Variants in ICA1 observed in about 807,000 individuals in gnomAD.
ICA1 encodes 69 kDa islet cell autoantigen.
ICA1 carries 40 observed loss-of-function variants against 71.0 expected under a neutral mutation model. The observed-to-expected ratio is 0.56, with a 90% confidence interval of 0.44 to 0.73. ICA1 has a LOEUF of 0.73. Among genes scored for constraint, ICA1 ranks in the 30% least tolerant of loss-of-function variants. ICA1 has a pLI of 0.00. For synonymous variants in ICA1, 207 were observed against 209.5 expected, an observed-to-expected ratio of 0.99 and a Z score of 0.10; for missense variants, 578 against 576.5, an observed-to-expected ratio of 1.00 and a Z score of -0.03.
At chr7:8,219,558 T>G (rs17145530) in intron 5 of ICA1, among the ~76,000 whole-genome samples, 2 of 152,218 alleles carry the variant, frequency 1.3e-5, no homozygotes, top group Non-Finnish European at 2.9e-5. Flanking sequence ...TGTAAAGTAT[T>G]GTTTTTAAAT....
At chr7:8,152,494 C>T (rs950537696) in intron 8 of ICA1, among the ~76,000 whole-genome samples, 5 of 151,642 alleles carry the variant, frequency 3.3e-5, no homozygotes, top group Non-Finnish European at 5.9e-5. Flanking sequence ...CCATTACCGT[C>T]ACCCTTACCA....
intron 6 of ICA1, among the ~76,000 whole-genome samples, chr7:8,182,920 C>T (rs1426833712): frequency 6.6e-6 from 1 of 152,172 alleles, no homozygotes. Context: ...GTTGCTGCCT[C>T]CATCACTAGT....
At chr7:8,143,690 C>T (rs6960154) in intron 9 of ICA1, among the ~76,000 whole-genome samples, 185 bp downstream of exon 9, 13,239 of 152,160 alleles carry the variant, frequency 0.087, 1,628 homozygotes, top group African/African-American at 0.28. Flanking sequence ...TACTGGGATA[C>T]GTGAGTCATG....
At chr7:8,260,678 T>C (rs1028363155) in intron 1 of ICA1, among the ~76,000 whole-genome samples, 7 of 152,248 alleles carry the variant, frequency 4.6e-5, no homozygotes, top group African/African-American at 1.7e-4. Flanking sequence ...TTCAGGATTA[T>C]AAATTGATTT....
At chr7:8,158,468 T>C in intron 7 of ICA1, 59 bp downstream of exon 7, 1 of 1,591,964 alleles carries the variant, frequency 6.3e-7, no homozygotes. Context: ...AACACCATTT[T>C]GATGTTATTT....
Position 8,113,846 on chromosome 7 carries a change from G to C in ICA1, c.*77C>G, listed in dbSNP as rs1018552762. On this transcript the variant is annotated 3_prime_UTR_variant, in exon 14 of 14. Coordinates refer to ENST00000402384, the MANE Select transcript of ICA1 (RefSeq NM_001136020.3). This position sits in a 1 kb window ranked among gnomAD's most constrained non-coding sequence, Gnocchi z 4.2. ...CACATAATTATTAAAACAGCATACT[G>C]ATCACTTTATACTTCTGCTAGCCCC... The C allele has an allele frequency of 8.8e-6, 13 of 1,480,426 alleles. No homozygotes were observed. In the African/African-American group the frequency reaches 1.7e-4, roughly 19 times the overall value. The allele number at this position is 1,480,426 out of a possible 1,614,324, so 91.7% of individuals were successfully genotyped here.
intron 9 of ICA1, among the ~76,000 whole-genome samples, chr7:8,142,725 A>C (rs1404245061): frequency 6.6e-6 from 1 of 152,224 alleles, no homozygotes; most frequent in African/African-American, 2.4e-5. Context: ...AGATGGAATT[A>C]ACATAAATAA....
intron 6 of ICA1, among the ~76,000 whole-genome samples, chr7:8,163,800 G>C (rs1219775032): frequency 1.3e-5 from 2 of 152,198 alleles, no homozygotes; most frequent in African/African-American, 2.4e-5. Flanking sequence ...CTCAGAACGA[G>C]CAGGAGGGTG....
chr7:8,177,132 T>C (rs1780865455), intron 6 of ICA1, among the ~76,000 whole-genome samples: 1 of 152,218 alleles, frequency 6.6e-6, no homozygotes, highest in South Asian at 2.1e-4. Context: ...ATACAAACTA[T>C]TACCCACTAT....
At chr7:8,149,690 T>C (rs1798153335) in intron 8 of ICA1, among the ~76,000 whole-genome samples, 1 of 152,246 alleles carries the variant, frequency 6.6e-6, no homozygotes, top group African/African-American at 2.4e-5. Flanking sequence ...TAGTATCTTC[T>C]CTAGCCTTTA....
At chr7:8,164,370 G>C (rs1435022411) in intron 6 of ICA1, among the ~76,000 whole-genome samples, 1 of 147,332 alleles carries the variant, frequency 6.8e-6, no homozygotes, top group African/African-American at 2.5e-5. Context: ...TAGTAGTTTA[G>C]ATTTGGATAG....
Position 8,216,584 on chromosome 7 carries a change from C to CAAAAAAAAAA in ICA1, c.579+1711_579+1720dup, listed in dbSNP as rs142208758. ...AGTAACCACCCCCACAAAACAAAAC[C>CAAAAAAAAAA]AAAAAAAAAATTCCACATAAAATTC... is the stretch of plus-strand genomic sequence containing the variant. On this transcript the variant is annotated intron_variant, in intron 6 of 13. Transcript: ENST00000402384. 1.6e-4 allele frequency among the ~76,000 whole-genome samples: 23 copies of CAAAAAAAAAA among 143,724 alleles called. No homozygotes were observed. The East Asian group carries it at 2.2e-3, about 14-fold the overall frequency. 94.3% of individuals were successfully genotyped at this position (143,724 alleles called of 152,430 possible). A position where few individuals can be genotyped will look rare whatever the true frequency, so the allele number is the denominator to read the frequency against.
chr7:8,239,934 G>T (rs1803199284), intron 1 of ICA1, among the ~76,000 whole-genome samples: 1 of 152,228 alleles, frequency 6.6e-6, no homozygotes, highest in Non-Finnish European at 1.5e-5. Context: ...GCTCAGCAAG[G>T]CCTGTTGCCT....
At chr7:8,118,290 T>C (rs2128001905) in intron 13 of ICA1, among the ~76,000 whole-genome samples, 1 of 152,344 alleles carries the variant, frequency 6.6e-6, no homozygotes, top group Middle Eastern at 3.4e-3. Context: ...CGAAGAGTTC[T>C]AAAAGGCATT....
chr7:8,145,230 A>G (rs529149939), intron 8 of ICA1, among the ~76,000 whole-genome samples: 3 of 152,262 alleles, frequency 2.0e-5, no homozygotes, highest in African/African-American at 7.2e-5. Flanking sequence ...CACTTCTAAT[A>G]TCAACCTCTC....
chr7:8,244,660 C>G (rs1346649852), intron 1 of ICA1, among the ~76,000 whole-genome samples: 1 of 152,170 alleles, frequency 6.6e-6, no homozygotes, highest in Non-Finnish European at 1.5e-5. Flanking sequence ...ATCTACCCAT[C>G]TGATAAAGGG....
At chr7:8,239,938 G>C (rs1429328685) in intron 1 of ICA1, among the ~76,000 whole-genome samples, 3 of 152,236 alleles carry the variant, frequency 2.0e-5, no homozygotes, top group Non-Finnish European at 4.4e-5. Context: ...AGCAAGGCCT[G>C]TTGCCTCTGT....
intron 5 of ICA1, among the ~76,000 whole-genome samples, chr7:8,219,505 G>C (rs189787794): frequency 7.3e-4 from 111 of 152,290 alleles, no homozygotes; most frequent in African/African-American, 2.5e-3. Flanking sequence ...AACTATTTAA[G>C]AAAAAATTTC....
Position 8,173,901 on chromosome 7 carries a change from G to C in ICA1, c.580-15249C>G, listed in dbSNP as rs1261197772. ...TTGCTTTCATGATGGTTATGTTGTA[G>C]TGGGTGAAACTGGACAATAAATAAC... On this transcript the variant is annotated intron_variant, in intron 6 of 13. Transcript: ENST00000402384. This position sits in a 1 kb window ranked among gnomAD's most constrained non-coding sequence, Gnocchi z 4.0. 6.6e-6 allele frequency among the ~76,000 whole-genome samples: 1 copy of C among 152,122 alleles called. No homozygotes were observed. The highest frequency in any genetic ancestry group is 1.5e-5 in the Non-Finnish European group (1 of 68,004).
Sources: allele counts gnomAD v4.1 joint callset (sites outside exome capture counted in the v4.1 genomes callset), GRCh38; gene constraint gnomAD v4.1.1; non-coding constraint Gnocchi (gnomAD v3.1); transcripts MANE v1.5; gene names NCBI Gene and HGNC (gene_info 2026-07-23, HGNC 2026-07-21).